ACTR3C: variants seen among roughly 807,000 people sequenced by gnomAD.
ACTR3C encodes the protein actin-related protein 3C.
A neutral mutation model predicts 26.3 loss-of-function variants in ACTR3C; 18 were observed. The ratio of observed to expected loss-of-function variants is 0.68; its 90% confidence interval spans 0.47 to 1.01. The LOEUF (loss-of-function observed/expected upper bound fraction) is 1.01. Ranked by LOEUF, ACTR3C falls within the 50% of genes least tolerant of loss-of-function variation. ACTR3C has a pLI of 0.00. For synonymous variants in ACTR3C, 55 were observed against 94.5 expected, an observed-to-expected ratio of 0.58 and a Z score of 2.42; for missense variants, 184 against 250.7, an observed-to-expected ratio of 0.73 and a Z score of 1.80.
At chr7:149,985,531 A>G in the ACTR3C span, among the ~76,000 whole-genome samples, 1 of 152,204 alleles carries the variant, frequency 6.6e-6, no homozygotes, top group Non-Finnish European at 1.5e-5. Context: ...ATTACAGATG[A>G]GGATACCAAG....
At chr7:150,038,934 G>C in the ACTR3C span, among the ~76,000 whole-genome samples, 18 of 103,950 alleles carry the variant, frequency 1.7e-4, 4 homozygotes, top group East Asian at 5.0e-3. Flanking sequence ...TGGAAGAGGG[G>C]ATAGCTCTCA....
At chr7:150,002,659 C>T in the ACTR3C span, 1 of 152,204 alleles carries the variant, frequency 6.6e-6, no homozygotes, top group Admixed American at 6.5e-5. Flanking sequence ...GAGGAGTTCT[C>T]CCGGGGATAC....
chr7:149,993,676 C>T, the ACTR3C span, among the ~76,000 whole-genome samples: 7 of 152,042 alleles, frequency 4.6e-5, no homozygotes, highest in East Asian at 1.4e-3. Context: ...TTGCAATCCC[C>T]ACCCACAGAC....
At chr7:150,009,823 A>T in the ACTR3C span, among the ~76,000 whole-genome samples, 1 of 152,170 alleles carries the variant, frequency 6.6e-6, no homozygotes. Context: ...CCTGCGGCTA[A>T]TTCTCTCCTC....
chr7:150,038,093 C>G, the ACTR3C span, among the ~76,000 whole-genome samples: 11 of 140,710 alleles, frequency 7.8e-5, no homozygotes, highest in Non-Finnish European at 1.3e-4. Flanking sequence ...TGCCTCCCCC[C>G]CTGTGATGGG....
At chr7:150,152,827 G>T in the ACTR3C span, among the ~76,000 whole-genome samples, 9 of 152,206 alleles carry the variant, frequency 5.9e-5, 2 homozygotes, top group African/African-American at 1.9e-4. Context: ...GCCTGTTATT[G>T]GTCTATTCAG....
chr7:150,065,305 T>A, the ACTR3C span, among the ~76,000 whole-genome samples: 1 of 152,374 alleles, frequency 6.6e-6, no homozygotes, highest in East Asian at 1.9e-4. Flanking sequence ...TAATTTACCA[T>A]CGAAAACCAA....
the ACTR3C span, among the ~76,000 whole-genome samples, chr7:150,078,349 T>C: frequency 6.8e-6 from 1 of 147,394 alleles, no homozygotes; most frequent in South Asian, 2.3e-4. Context: ...GTCAAGCAGC[T>C]TTTCAAAATA....
the ACTR3C span, among the ~76,000 whole-genome samples, chr7:150,080,512 AGTGTTTGTGTGTGTATGTGT>A: frequency 1.6e-5 from 2 of 127,756 alleles, no homozygotes; most frequent in Admixed American, 7.6e-5. Flanking sequence ...CTGCTGTATG[AGTGTTTGTGTGTGTATGTGT>A]GTGTGTGTGT....
At chr7:149,984,767 A>T in the ACTR3C span, among the ~76,000 whole-genome samples, 1 of 152,060 alleles carries the variant, frequency 6.6e-6, no homozygotes, top group Non-Finnish European at 1.5e-5. Flanking sequence ...CATTCCAATT[A>T]TTCCACCTTT....
the ACTR3C span, among the ~76,000 whole-genome samples, chr7:150,132,028 C>T: frequency 1.3e-5 from 2 of 152,298 alleles, no homozygotes; most frequent in South Asian, 2.1e-4. Flanking sequence ...TTTGGTTATA[C>T]TACAGCGATG....
the ACTR3C span, among the ~76,000 whole-genome samples, chr7:150,207,074 A>G: frequency 1.3e-5 from 2 of 152,202 alleles, no homozygotes; most frequent in South Asian, 4.1e-4. Flanking sequence ...AAAACCCTAT[A>G]GGGCCCTTGA....
At chr7:150,272,690 G>GTTTT (rs201919346) in intron 6 of ACTR3C, among the ~76,000 whole-genome samples, 3 of 114,032 alleles carry the variant, frequency 2.6e-5, no homozygotes, top group African/African-American at 4.0e-5. Context: ...TGTTTTTTTG[G>GTTTT]TTTTTTTTTT....
the ACTR3C span, among the ~76,000 whole-genome samples, chr7:150,081,643 G>T: frequency 6.6e-6 from 1 of 151,310 alleles, no homozygotes; most frequent in African/African-American, 2.5e-5. Context: ...TTTGTGTGTA[G>T]AATCATTTTA....
At chr7:150,065,384 G>A in the ACTR3C span, among the ~76,000 whole-genome samples, 18 of 152,200 alleles carry the variant, frequency 1.2e-4, no homozygotes, top group East Asian at 5.8e-4. Flanking sequence ...TAACTTATTC[G>A]CTTTACTTAT....
the ACTR3C span, among the ~76,000 whole-genome samples, chr7:149,999,155 C>T: frequency 6.6e-6 from 1 of 150,674 alleles, no homozygotes; most frequent in Non-Finnish European, 1.5e-5. Context: ...AACAAATGTG[C>T]GTAGTTTTAA....
At chr7:150,149,673 C>T in the ACTR3C span, among the ~76,000 whole-genome samples, 2 of 151,994 alleles carry the variant, frequency 1.3e-5, no homozygotes, top group Admixed American at 6.6e-5. Context: ...GAAATGAACT[C>T]ATCCTTTTTG....
At chr7:149,912,957 A>G in the ACTR3C span, among the ~76,000 whole-genome samples, 1 of 152,232 alleles carries the variant, frequency 6.6e-6, no homozygotes, top group African/African-American at 2.4e-5. Flanking sequence ...TTATATATTA[A>G]TAGTATCAAA....
At chr7:150,039,708 G>T in the ACTR3C span, among the ~76,000 whole-genome samples, 1 of 144,848 alleles carries the variant, frequency 6.9e-6, no homozygotes, top group African/African-American at 2.5e-5. Flanking sequence ...GGGGGGAAGA[G>T]GGTCTGGCTC....
Sources: gnomAD v4.1 joint callset for allele counts (sites outside exome capture counted in the v4.1 genomes callset) on GRCh38, gnomAD v4.1.1 for gene constraint, MANE v1.5 for transcripts, NCBI Gene and HGNC (gene_info 2026-07-23, HGNC 2026-07-21) for gene names.